The following RALYL variants were observed in gnomAD, a reference collection of about 807,000 sequenced individuals.
RALYL encodes RALY RNA binding protein like, also known as RNA-binding Raly-like protein.
In RALYL, 29 loss-of-function variants were observed where a neutral mutation model predicts 35.1. The ratio of observed to expected loss-of-function variants is 0.83; its 90% CI spans 0.61 to 1.13. RALYL has a LOEUF of 1.13. RALYL is among the 50% of genes most tolerant of loss of function. RALYL has a pLI of 0.00. For missense variants in RALYL, 359 were observed against 360.4 expected, an observed-to-expected ratio of 1.00 and a Z score of 0.03; for synonymous variants, 120 against 127.6, an observed-to-expected ratio of 0.94 and a Z score of 0.40.
rs1220087480 is a variant in RALYL, at chr8:84,830,409, A to G, written c.366-19571A>G. Among the ~76,000 whole-genome samples the G allele has an allele frequency of 3.3e-5, 5 of 152,170 alleles. No individual in the cohort carries two copies. In the East Asian group the frequency reaches 9.6e-4, roughly 29 times the overall value. On this transcript the variant is annotated intron_variant, in intron 4 of 8. Transcript: ENST00000521268. ...AAAAAATGGGGGGTGGGGGTCTAAC[A>G]CAAAAGGGAAGGAAGTCCCCAAGGT...
intron 1 of RALYL, among the ~76,000 whole-genome samples, chr8:84,527,748 G>A (rs1280912906): frequency 6.6e-6 from 1 of 152,002 alleles, no homozygotes; most frequent in East Asian, 1.9e-4. Flanking sequence ...ATTCATAAAG[G>A]AACCACTTAA....
chr8:84,459,369 G>A (rs2133351820), intron 1 of RALYL, among the ~76,000 whole-genome samples: 1 of 151,978 alleles, frequency 6.6e-6, no homozygotes, highest in East Asian at 1.9e-4. Flanking sequence ...TCAAAGCCAT[G>A]ATTAGAAGAT....
chr8:84,303,818 C>T (rs929264846), intron 1 of RALYL, among the ~76,000 whole-genome samples: 5 of 152,042 alleles, frequency 3.3e-5, no homozygotes, highest in Non-Finnish European at 4.4e-5. Context: ...TTTCCATTTC[C>T]ATCTGAATTG....
intron 2 of RALYL, among the ~76,000 whole-genome samples, chr8:84,691,899 T>C (rs1221227413): frequency 6.6e-6 from 1 of 151,988 alleles, no homozygotes; most frequent in Non-Finnish European, 1.5e-5. Flanking sequence ...GTATAAAATA[T>C]CATGATCACA....
rs1020768221 is a variant in RALYL, at chr8:84,489,069, C to T, written c.-23-40230C>T. Among the ~76,000 whole-genome samples, 10 of 152,084 alleles carry T rather than the reference C, an allele frequency of 6.6e-5. 1 individual carries two copies. In the South Asian group the frequency reaches 1.9e-3, roughly 28 times the overall value. On this transcript the variant is annotated intron_variant, in intron 1 of 8. Transcript: ENST00000521268. Reference sequence around the variant, plus strand: ...TTCACTATTTTCACATATTGTGCCTCGCTATTATTTGTGTGCTCAAGGTCT... The same window carrying T: ...TTCACTATTTTCACATATTGTGCCTTGCTATTATTTGTGTGCTCAAGGTCT...
chr8:84,735,632 C>T (rs1351067093), intron 2 of RALYL, among the ~76,000 whole-genome samples: 2 of 152,120 alleles, frequency 1.3e-5, no homozygotes, highest in Non-Finnish European at 2.9e-5. Context: ...AAACTCAGCC[C>T]ACTTAACTGG....
intron 2 of RALYL, among the ~76,000 whole-genome samples, chr8:84,543,191 G>A (rs2060128627): frequency 6.6e-6 from 1 of 151,714 alleles, no homozygotes; most frequent in South Asian, 2.1e-4. Flanking sequence ...TCCATCAGAA[G>A]GTACATGTCT....
chr8:84,816,027 T>G, intron 4 of RALYL, among the ~76,000 whole-genome samples: 1 of 95,584 alleles, frequency 1.0e-5, no homozygotes, highest in Non-Finnish European at 1.9e-5. Flanking sequence ...AGAGAGACTC[T>G]GTCTCAAAAA....
intron 2 of RALYL, among the ~76,000 whole-genome samples, chr8:84,626,664 A>G (rs947495868): frequency 2.0e-5 from 3 of 152,204 alleles, no homozygotes; most frequent in Non-Finnish European, 4.4e-5. Flanking sequence ...AAAATTGTTT[A>G]GAGACACTGA....
At chr8:84,232,018 A>G (rs1825486529) in intron 1 of RALYL, among the ~76,000 whole-genome samples, 1 of 152,210 alleles carries the variant, frequency 6.6e-6, no homozygotes, top group African/African-American at 2.4e-5. Context: ...TTCCAAAAAA[A>G]GGCTTTAATA....
intron 1 of RALYL, among the ~76,000 whole-genome samples, chr8:84,450,452 G>A (rs978937291): frequency 4.6e-5 from 7 of 151,770 alleles, no homozygotes; most frequent in Admixed American, 1.3e-4. Context: ...ACAAGAAATA[G>A]TAGCAGTACT....
At chr8:84,582,313 A>G (rs1278079758) in intron 2 of RALYL, among the ~76,000 whole-genome samples, 1 of 152,130 alleles carries the variant, frequency 6.6e-6, no homozygotes, top group African/African-American at 2.4e-5. Flanking sequence ...TTGAATGGTA[A>G]TGAGAACTAC....
At chr8:84,702,545 A>T (rs909814555) in intron 2 of RALYL, among the ~76,000 whole-genome samples, 13 of 151,118 alleles carry the variant, frequency 8.6e-5, no homozygotes, top group African/African-American at 1.7e-4. Flanking sequence ...TCTCTCACAC[A>T]CACACACACA....
At chr8:84,519,279 ATT>A (rs2058287671) in intron 1 of RALYL, among the ~76,000 whole-genome samples, 1 of 152,210 alleles carries the variant, frequency 6.6e-6, no homozygotes, top group Admixed American at 6.5e-5. Context: ...GGATCTTATA[ATT>A]TAAGAAAAAT....
intron 1 of RALYL, among the ~76,000 whole-genome samples, chr8:84,260,910 A>G (rs1832134923): frequency 6.6e-6 from 1 of 152,206 alleles, no homozygotes; most frequent in South Asian, 2.1e-4. Context: ...GTTATGCTTT[A>G]CTATTTATGT....
chr8:84,647,403 T>A (rs1827726740), intron 2 of RALYL, among the ~76,000 whole-genome samples: 1 of 152,046 alleles, frequency 6.6e-6, no homozygotes, highest in Non-Finnish European at 1.5e-5. Flanking sequence ...AAGAGGGTGA[T>A]GTGTATTTGT....
chr8:84,504,012 A>G (rs1343189083), intron 1 of RALYL, among the ~76,000 whole-genome samples: 1 of 152,148 alleles, frequency 6.6e-6, no homozygotes. Context: ...AAAGATGACC[A>G]TACCTGATTG....
intron 8 of RALYL, among the ~76,000 whole-genome samples, chr8:84,916,443 G>C (rs1848494430): frequency 6.6e-6 from 1 of 151,930 alleles, no homozygotes. Context: ...CTGGTGGGAG[G>C]TAATTGCGTA....
chr8:84,681,798 G>T (rs1225676766), intron 2 of RALYL, among the ~76,000 whole-genome samples: 1 of 152,154 alleles, frequency 6.6e-6, no homozygotes, highest in Non-Finnish European at 1.5e-5. Flanking sequence ...GGGACAATTT[G>T]ACTTCCTCTT....
Sources: allele counts gnomAD v4.1 joint callset (sites outside exome capture counted in the v4.1 genomes callset), GRCh38; gene constraint gnomAD v4.1.1; transcripts MANE v1.5; gene names NCBI Gene and HGNC (gene_info 2026-07-23, HGNC 2026-07-21).